Variants in RABGAP1L observed in about 807,000 individuals in gnomAD.
RABGAP1L encodes RAB GTPase activating protein 1 like.
A neutral mutation model predicts 137.7 loss-of-function variants in RABGAP1L; 63 were observed. The observed-to-expected ratio is 0.46, with a 90% confidence interval of 0.37 to 0.56. The LOEUF (loss-of-function observed/expected upper bound fraction) is 0.56. Among genes scored for constraint, RABGAP1L ranks in the 20% least tolerant of loss-of-function variants. The pLI is 0.00. For missense variants in RABGAP1L, 1,095 were observed against 1,244.0 expected, an observed-to-expected ratio of 0.88 and a Z score of 1.80; for synonymous variants, 431 against 433.7, an observed-to-expected ratio of 0.99 and a Z score of 0.08.
intron 19 of RABGAP1L, among the ~76,000 whole-genome samples, chr1:174,833,343 G>A: frequency 6.8e-6 from 1 of 147,610 alleles, no homozygotes; most frequent in Non-Finnish European, 1.5e-5. Flanking sequence ...GGGACTACAG[G>A]CGCATGCCAC....
Position 174,978,796 on chromosome 1 carries a change from ATTC to A in RABGAP1L, c.2650-8_2650-6del, listed in dbSNP as rs1558302022. The stretch of plus-strand genomic sequence containing the variant: ...GCTAAATCCTGATATTTCTCATTCT[ATTC>A]TTTCTAGCTAAAAGAAGTCTTCAGG... On this transcript the variant is annotated splice_region_variant and splice_polypyrimidine_tract_variant and intron_variant, in intron 22 of 25. Transcript: ENST00000681986. 6.6e-7 allele frequency: 1 copy of A among 1,526,670 alleles called. No homozygotes were observed. The highest frequency in any genetic ancestry group is 2.5e-5 in the East Asian group (1 of 40,492). The allele number at this position is 1,526,670 out of a possible 1,614,324, so 94.6% of individuals were successfully genotyped here.
chr1:174,528,637 A>T (rs1664134720), intron 13 of RABGAP1L, among the ~76,000 whole-genome samples: 1 of 148,266 alleles, frequency 6.7e-6, no homozygotes, highest in South Asian at 2.1e-4. Flanking sequence ...TTTTGTTTTT[A>T]GAAGTATTTC....
chr1:174,557,696 C>T (rs1219958618), intron 13 of RABGAP1L, among the ~76,000 whole-genome samples: 2 of 152,186 alleles, frequency 1.3e-5, no homozygotes, highest in African/African-American at 4.8e-5. Flanking sequence ...AGATGTTGCC[C>T]AAGAATTCTA....
chr1:174,244,739 C>CA (rs1162935735), intron 5 of RABGAP1L: 4 of 152,254 alleles, frequency 2.6e-5, no homozygotes, highest in Non-Finnish European at 4.4e-5. Flanking sequence ...CTGTTCTTGT[C>CA]ACATCTTTTT....
chr1:174,535,788 G>A (rs1008136401), intron 13 of RABGAP1L, among the ~76,000 whole-genome samples: 1 of 152,122 alleles, frequency 6.6e-6, no homozygotes, highest in Non-Finnish European at 1.5e-5. Flanking sequence ...TCAGCTTTCA[G>A]AATTGCTTCT....
At chr1:174,706,738 C>G (rs1255071956) in intron 17 of RABGAP1L, among the ~76,000 whole-genome samples, 1 of 152,174 alleles carries the variant, frequency 6.6e-6, no homozygotes, top group Non-Finnish European at 1.5e-5. Context: ...CTGCCCTTTT[C>G]CAGTAACTAC....
chr1:174,410,645 C>T (rs1339951224), intron 13 of RABGAP1L, among the ~76,000 whole-genome samples: 1 of 152,012 alleles, frequency 6.6e-6, no homozygotes, highest in African/African-American at 2.4e-5. Context: ...TTACTGTAGC[C>T]TTATATATAG....
At chr1:174,831,177 T>C (rs1692077874) in intron 19 of RABGAP1L, among the ~76,000 whole-genome samples, 1 of 148,216 alleles carries the variant, frequency 6.7e-6, no homozygotes, top group African/African-American at 2.5e-5. Context: ...ACAACATAAA[T>C]CAATGGAGGA....
rs866308486 is a variant in RABGAP1L at position 174,473,406 on chromosome 1, A to G, written c.1710+79261A>G. On this transcript the variant is annotated intron_variant, in intron 13 of 25. Coordinates refer to ENST00000681986, the MANE Select transcript of RABGAP1L (RefSeq NM_001366446.1). ...AGCATCTTATTTTCTTGATTTTGGT[A>G]TAGCATCTACTGCCCAGAGCACTAG... Among the ~76,000 whole-genome samples, 3 of 152,286 alleles carry G rather than the reference A, an allele frequency of 2.0e-5. No individual in the cohort carries two copies. In the Middle Eastern group the frequency reaches 0.01, roughly 518 times the overall value.
intron 15 of RABGAP1L, among the ~76,000 whole-genome samples, chr1:174,686,065 C>A (rs985178529): frequency 4.6e-5 from 7 of 152,118 alleles, no homozygotes; most frequent in South Asian, 2.1e-4. Context: ...ATTTGAAGGG[C>A]TGATGCGGAA....
intron 5 of RABGAP1L, chr1:174,245,503 T>G (rs920477024): frequency 1.3e-5 from 2 of 152,136 alleles, no homozygotes; most frequent in Non-Finnish European, 2.9e-5. Context: ...TTAAAAAAGT[T>G]TCCTGGTAGT....
chr1:174,454,894 AT>A (rs1266646331), intron 13 of RABGAP1L, among the ~76,000 whole-genome samples: 2 of 151,978 alleles, frequency 1.3e-5, no homozygotes, highest in African/African-American at 4.8e-5. Flanking sequence ...ACCTTTCTGC[AT>A]TTTTCACACC....
At chr1:174,844,808 C>T (rs1693874645) in intron 19 of RABGAP1L, among the ~76,000 whole-genome samples, 4 of 60,322 alleles carry the variant, frequency 6.6e-5, no homozygotes, top group African/African-American at 2.4e-4. Context: ...CTGTAAATTA[C>T]CTTGGGCAGT....
At chr1:174,766,902 C>T (rs1426962859) in intron 18 of RABGAP1L, among the ~76,000 whole-genome samples, 2 of 152,202 alleles carry the variant, frequency 1.3e-5, no homozygotes, top group African/African-American at 2.4e-5. Flanking sequence ...ACAATCTATT[C>T]TCTCCAAGCC....
chr1:174,410,447 C>T (rs992975920), intron 13 of RABGAP1L, among the ~76,000 whole-genome samples: 13 of 152,118 alleles, frequency 8.5e-5, no homozygotes, highest in African/African-American at 2.9e-4. Flanking sequence ...CCAACTATCC[C>T]GTAATAGCAG....
In RABGAP1L at chr1:174,773,661, A is replaced by C. The variant is rs7551591; in HGVS notation, c.2211+21307A>C. On this transcript the variant is annotated intron_variant, in intron 18 of 25. Coordinates refer to ENST00000681986, the MANE Select transcript of RABGAP1L (RefSeq NM_001366446.1). ...CATTGCTATATGAACAAATAATTGA[A>C]TTTAGGCTAATGAAAATGAACTCAC... is the stretch of plus-strand genomic sequence containing the variant. Among the ~76,000 whole-genome samples, 374 of 152,360 alleles carry C rather than the reference A, an allele frequency of 2.5e-3. 4 individuals carry two copies. The highest frequency in any genetic ancestry group is 8.7e-3 in the African/African-American group (360 of 41,570).
intron 4 of RABGAP1L, among the ~76,000 whole-genome samples, chr1:174,240,060 A>G (rs1049761219): frequency 5.3e-5 from 8 of 152,214 alleles, no homozygotes; most frequent in African/African-American, 1.4e-4. Flanking sequence ...AGTGTCTTCT[A>G]TGCTATCTGT....
At chr1:174,688,396 T>C (rs754991140) in intron 15 of RABGAP1L, among the ~76,000 whole-genome samples, 1 of 152,104 alleles carries the variant, frequency 6.6e-6, no homozygotes, top group South Asian at 2.1e-4. Context: ...TATTGGCATT[T>C]ATAGAAGCTT....
intron 17 of RABGAP1L, among the ~76,000 whole-genome samples, chr1:174,745,153 G>C (rs1683770801): frequency 6.6e-6 from 1 of 152,104 alleles, no homozygotes; most frequent in African/African-American, 2.4e-5. Flanking sequence ...GGTGATTCTT[G>C]GTCTTTCTTC....
Sources: gnomAD v4.1 joint callset for allele counts (sites outside exome capture counted in the v4.1 genomes callset) on GRCh38, gnomAD v4.1.1 for gene constraint, MANE v1.5 for transcripts, NCBI Gene and HGNC (gene_info 2026-07-23, HGNC 2026-07-21) for gene names.